SPHKAP: variants seen among roughly 807,000 people sequenced by gnomAD.
The protein encoded by SPHKAP is SPHK1 interactor, AKAP domain containing, also known as A-kinase anchor protein SPHKAP.
In SPHKAP, 67 loss-of-function variants were observed where a neutral mutation model predicts 137.5. The observed-to-expected ratio is 0.49, with a 90% CI of 0.40 to 0.60. The LOEUF (loss-of-function observed/expected upper bound fraction) is 0.60. Among genes scored for constraint, SPHKAP ranks in the 20% least tolerant of loss-of-function variants. SPHKAP has a pLI of 0.00. For synonymous variants in SPHKAP, 813 were observed against 785.3 expected (o/e 1.04, Z -0.59); for missense variants, 2,097 against 2,069.3 (o/e 1.01, Z -0.26).
At chr2:228,126,032 A>T (rs1406452119) in intron 2 of SPHKAP, among the ~76,000 whole-genome samples, 6 of 152,152 alleles carry the variant, frequency 3.9e-5, no homozygotes, top group African/African-American at 7.2e-5. Flanking sequence ...GTGAGCTGAG[A>T]TCACGCAACT....
At chr2:228,072,699 A>G (rs1419731269) in intron 3 of SPHKAP, among the ~76,000 whole-genome samples, 2 of 152,194 alleles carry the variant, frequency 1.3e-5, no homozygotes, top group Non-Finnish European at 2.9e-5. Flanking sequence ...GCCACCATAT[A>G]TGAAGTCTGG....
intron 1 of SPHKAP, among the ~76,000 whole-genome samples, chr2:228,173,164 C>T (rs939029325): frequency 1.3e-5 from 2 of 152,120 alleles, no homozygotes; most frequent in Admixed American, 6.6e-5. Context: ...CCTTGTCCCT[C>T]TTCCTTTTTA....
In SPHKAP at chr2:228,030,513, C is replaced by CAA. The variant is rs11287311; in HGVS notation, c.247-2972_247-2971dup. 2.5e-3 allele frequency among the ~76,000 whole-genome samples: 122 copies of CAA among 48,686 alleles called. 1 individual carries two copies. Among genetic ancestry groups the CAA allele is most frequent in the South Asian group, 5.8e-3 (8 of 1,382 alleles). 31.9% of individuals were successfully genotyped at this position (48,686 alleles called of 152,430 possible). ...CTGGCAACAGAGCAAGATACCATCT[C>CAA]AAAAAAAAAAAAAAAAAAACAACAA... On this transcript the variant is annotated intron_variant, in intron 3 of 11. Coordinates refer to ENST00000392056, the MANE Select transcript of SPHKAP (RefSeq NM_001142644.2).
At chr2:228,159,109 C>T (rs1700198536) in intron 1 of SPHKAP, among the ~76,000 whole-genome samples, 1 of 152,176 alleles carries the variant, frequency 6.6e-6, no homozygotes, top group Admixed American at 6.5e-5. Flanking sequence ...TCTCCCGACT[C>T]TGAGCTCTCC....
intron 11 of SPHKAP, chr2:227,982,104 T>A (rs780006564): frequency 1.9e-4 from 184 of 984,956 alleles, no homozygotes; most frequent in Admixed American, 4.9e-4. Context: ...TGCAGAGGAT[T>A]AGGTGGAATG....
chr2:228,056,573 A>C lies in SPHKAP; in HGVS notation c.247-29030T>G, dbSNP rs1353488448. Among the ~76,000 whole-genome samples, 3 of 147,378 alleles carry C rather than the reference A, an allele frequency of 2.0e-5. No homozygotes were observed. The East Asian group carries it at 6.3e-4, about 31-fold the overall frequency. On this transcript the variant is annotated intron_variant, in intron 3 of 11. Transcript: ENST00000392056. The stretch of plus-strand genomic sequence containing the variant: ...GTTCAAAATCTGAACAAGGGGATAA[A>C]GTAAATGAGCAAAAAAAAAAAAAAA...
intron 3 of SPHKAP, among the ~76,000 whole-genome samples, chr2:228,030,754 C>T (rs1389455483): frequency 6.6e-6 from 1 of 150,738 alleles, no homozygotes; most frequent in Non-Finnish European, 1.5e-5. Flanking sequence ...TTTTGACTAA[C>T]TACTCTTTGG....
At chr2:228,164,047 C>T (rs1700352244) in intron 1 of SPHKAP, among the ~76,000 whole-genome samples, 1 of 152,134 alleles carries the variant, frequency 6.6e-6, no homozygotes, top group South Asian at 2.1e-4. Context: ...TGGGCACCAT[C>T]CAATTGGCTT....
chr2:227,989,763 G>A (rs1004689765), intron 11 of SPHKAP, among the ~76,000 whole-genome samples: 12 of 141,948 alleles, frequency 8.5e-5, no homozygotes, highest in African/African-American at 2.9e-4. Context: ...CTGCCACCAT[G>A]CCTGGCTAAT....
intron 3 of SPHKAP, among the ~76,000 whole-genome samples, chr2:228,106,961 AAATTG>A (rs1293577223): frequency 6.6e-6 from 1 of 152,212 alleles, no homozygotes; most frequent in Non-Finnish European, 1.5e-5. Context: ...TTGACAAATA[AAATTG>A]AATATACTTA....
rs114684112 is a variant in SPHKAP at position 228,009,037 on chromosome 2, G to T, written c.4448+7369C>A. ...ACTTGCTGGGATTTTGATTGGGATTGTAATGAATCTATAGATTCAACTGGG... is the reference window on the plus strand; with the variant it reads ...ACTTGCTGGGATTTTGATTGGGATTTTAATGAATCTATAGATTCAACTGGG... On this transcript the variant is annotated intron_variant, in intron 7 of 11. Transcript: ENST00000392056. Among the ~76,000 whole-genome samples the T allele has an allele frequency of 3.9e-3, 598 of 152,288 alleles. 3 individuals are homozygous for T. The highest frequency in any genetic ancestry group is 0.013 in the African/African-American group (559 of 41,558).
At chr2:228,122,769 T>A (rs746892602) in intron 2 of SPHKAP, among the ~76,000 whole-genome samples, 6 of 152,168 alleles carry the variant, frequency 3.9e-5, no homozygotes, top group Non-Finnish European at 8.8e-5. Flanking sequence ...ACAACCCTGA[T>A]GTTGATGTGG....
At chr2:228,014,430 G>A (rs1036524604) in intron 7 of SPHKAP, among the ~76,000 whole-genome samples, 2 of 152,094 alleles carry the variant, frequency 1.3e-5, no homozygotes, top group African/African-American at 4.8e-5. Flanking sequence ...GATAAATATT[G>A]TCTATAACTG....
intron 3 of SPHKAP, among the ~76,000 whole-genome samples, chr2:228,048,244 G>A (rs943032755): frequency 4.0e-5 from 6 of 151,020 alleles, no homozygotes; most frequent in Non-Finnish European, 7.4e-5. Context: ...CAACCCTGAC[G>A]TAAAACTCAG....
chr2:228,154,512 C>CTCTCTCTCTATA (rs1393941364), intron 1 of SPHKAP, among the ~76,000 whole-genome samples: 11 of 22,066 alleles, frequency 5.0e-4, no homozygotes, highest in African/African-American at 2.0e-3. Context: ...CTCTCTCTCT[C>CTCTCTCTCTATA]TATATATATA....
At chr2:227,989,633 T>A (rs1357912736) in intron 11 of SPHKAP, among the ~76,000 whole-genome samples, 1 of 152,176 alleles carries the variant, frequency 6.6e-6, no homozygotes, top group East Asian at 1.9e-4. Flanking sequence ...TGAGACAATG[T>A]CTGACTCTGC....
chr2:228,174,010 C>T (rs1700663772), intron 1 of SPHKAP, among the ~76,000 whole-genome samples: 3 of 152,202 alleles, frequency 2.0e-5, no homozygotes. Context: ...GTCACCTCTT[C>T]TACCTTAAGG....
At chr2:228,034,225 A>C (rs950332486) in intron 3 of SPHKAP, among the ~76,000 whole-genome samples, 5 of 152,326 alleles carry the variant, frequency 3.3e-5, no homozygotes, top group Non-Finnish European at 7.3e-5. Flanking sequence ...AGAAATACAA[A>C]CTACCATCAG....
intron 3 of SPHKAP, among the ~76,000 whole-genome samples, chr2:228,095,637 AC>A (rs1697958501): frequency 1.3e-5 from 2 of 152,280 alleles, no homozygotes; most frequent in South Asian, 4.1e-4. Context: ...GAGATAGTAT[AC>A]TTTTTAATTT....
Sources: gnomAD v4.1 joint callset for allele counts (sites outside exome capture counted in the v4.1 genomes callset) on GRCh38, gnomAD v4.1.1 for gene constraint, MANE v1.5 for transcripts, NCBI Gene and HGNC (gene_info 2026-07-23, HGNC 2026-07-21) for gene names.